TMEM91: variants seen among roughly 807,000 people sequenced by gnomAD.
TMEM91 encodes dispanin subfamily C member 3.
Under a neutral mutation model 13.3 loss-of-function variants are expected in TMEM91, and 6 were observed. The ratio of observed to expected loss-of-function variants is 0.45; its 90% CI spans 0.25 to 0.89. TMEM91 has a LOEUF of 0.89. Among genes scored for constraint, TMEM91 ranks in the 40% least tolerant of loss-of-function variants. TMEM91 has a pLI of 0.19. For missense variants in TMEM91, 193 were observed against 228.7 expected (o/e 0.84, Z 1.01); for synonymous variants, 87 against 101.7 (o/e 0.86, Z 0.87).
chr19:41,371,183 G>T (rs1223644789), intron 1 of TMEM91, among the ~76,000 whole-genome samples: 2 of 150,678 alleles, frequency 1.3e-5, no homozygotes, highest in African/African-American at 4.9e-5. Flanking sequence ...TGTATTTTTA[G>T]TAGAGACGGA....
intron 1 of TMEM91, among the ~76,000 whole-genome samples, chr19:41,367,358 C>T (rs184559469): frequency 1.3e-5 from 2 of 151,596 alleles, no homozygotes; most frequent in East Asian, 3.9e-4. Context: ...TGGGGCTGGG[C>T]GCGGTGGCTC....
In TMEM91 at chr19:41,382,893, G is replaced by A. The variant is rs563207362; in HGVS notation, c.332G>A (p.Gly111Asp). Residue 111 changes from glycine (G) to aspartate (D), a missense_variant, in exon 3 of 4, where the codon GGC becomes GAC. Physicochemically the swap from Gly to Asp is moderately conservative, Grantham distance 94 (BLOSUM62 -1). Coordinates refer to ENST00000392002, the MANE Select transcript of TMEM91 (RefSeq NM_001098821.2). ...ATGCTGTGTTGTTTCTGGCCCGTTG[G>A]CATCGCTGCCTTCTGTCTAGCCCAG... ...FSMLCCFWPV[G>D]IAAFCLAQKT... 1.2e-6 allele frequency: 2 copies of A among 1,614,186 alleles called. No homozygotes were observed. Among genetic ancestry groups the A allele is most frequent in the East Asian group, 4.5e-5 (2 of 44,884 alleles).
Position 41,382,876 on chromosome 19 carries a change from T to C in TMEM91, c.315T>C (p.Cys105=). Residue 105 remains cysteine (C), a synonymous_variant, in exon 3 of 4, where the codon TGT becomes TGC. Transcript: ENST00000392002. Reference sequence around the variant, plus strand: ...GCTTGGCTGTCTTCTCCATGCTGTGTTGTTTCTGGCCCGTTGGCATCGCTG... The same window carrying C: ...GCTTGGCTGTCTTCTCCATGCTGTGCTGTTTCTGGCCCGTTGGCATCGCTG... The part of the protein sequence containing the change: ...HLGLAVFSML[C]CFWPVGIAAF... The C allele has an allele frequency of 3.1e-6, 5 of 1,614,226 alleles. No homozygotes were observed. The highest frequency in any genetic ancestry group is 4.2e-6 in the Non-Finnish European group (5 of 1,180,038).
chr19:41,371,366 C>CT (rs1555758490), intron 1 of TMEM91, among the ~76,000 whole-genome samples: 26 of 128,122 alleles, frequency 2.0e-4, no homozygotes, highest in African/African-American at 7.4e-4. Flanking sequence ...TCCTTCCTTC[C>CT]TTCTTTCCTT....
At chr19:41,375,737 A>G (rs1429958017), upstream of TMEM91, among the ~76,000 whole-genome samples, 1 of 151,876 alleles carries the variant, frequency 6.6e-6, no homozygotes, top group Admixed American at 6.6e-5. Flanking sequence ...CAGTGAACCC[A>G]GGAGTCTGAG....
chr19:41,379,041 C>A (rs2038804707), intron 2 of TMEM91, among the ~76,000 whole-genome samples: 1 of 151,468 alleles, frequency 6.6e-6, no homozygotes. Flanking sequence ...GTCATGTTGC[C>A]CAGGCTGGTC....
At chr19:41,365,635 C>T (rs1195601049) in intron 1 of TMEM91, among the ~76,000 whole-genome samples, 1 of 151,522 alleles carries the variant, frequency 6.6e-6, no homozygotes, top group African/African-American at 2.4e-5. Context: ...AAACTCCTGA[C>T]CTCAGGTGGT....
chr19:41,369,053 T>G (rs1599920161), intron 1 of TMEM91, among the ~76,000 whole-genome samples: 1 of 152,094 alleles, frequency 6.6e-6, no homozygotes, highest in East Asian at 1.9e-4. Flanking sequence ...AGTTGGAGGC[T>G]ACAGTGAGCT....
At chr19:41,372,114 G>A (rs377653354), upstream of TMEM91, among the ~76,000 whole-genome samples, 53 of 152,010 alleles carry the variant, frequency 3.5e-4, no homozygotes, top group African/African-American at 1.2e-3. Context: ...AGTAGGGGGC[G>A]GGGGTGGGGA....
upstream of TMEM91, among the ~76,000 whole-genome samples, chr19:41,373,086 G>C (rs1224985039): frequency 6.6e-6 from 1 of 152,044 alleles, no homozygotes; most frequent in African/African-American, 2.4e-5. Flanking sequence ...CCACAGACAT[G>C]CATCACCACA....
chr19:41,379,706 AAGGC>A (rs1175131177), intron 2 of TMEM91, among the ~76,000 whole-genome samples: 1 of 151,898 alleles, frequency 6.6e-6, no homozygotes, highest in Non-Finnish European at 1.5e-5. Flanking sequence ...GAAAGAAAGG[AAGGC>A]AGGCAGGCAA....
chr19:41,381,076 CAAAAAAAAAAAA>C (rs1166323642), intron 2 of TMEM91, among the ~76,000 whole-genome samples: 2 of 52,792 alleles, frequency 3.8e-5, no homozygotes, highest in Non-Finnish European at 6.7e-5. Context: ...GACTCTGTCT[CAAAAAAAAAAAA>C]AAAAAAAAAA....
intron 3 of TMEM91, 33 bp downstream of exon 3, chr19:41,382,954 G>A: frequency 8.3e-7 from 1 of 1,206,418 alleles, no homozygotes; most frequent in Non-Finnish European, 1.2e-6. Context: ...GAGGGGACTG[G>A]GCATAAAAGA....
chr19:41,382,684 G>C (rs1438227510), intron 2 of TMEM91, 88 bp from the exon 3 acceptor site: 1 of 1,508,448 alleles, frequency 6.6e-7, no homozygotes, highest in African/African-American at 1.4e-5. Context: ...CTAGGGGCAG[G>C]TATTGGCCTT....
At position 41,382,898 on chromosome 19, in the gene TMEM91, G is replaced by A. The variant is rs144015301; in HGVS notation, c.337G>A (p.Ala113Thr). The A allele has an allele frequency of 3.6e-5, 58 of 1,614,132 alleles. No homozygotes were observed. In the East Asian group the frequency reaches 5.6e-4, roughly 16 times the overall value. The change falls in exon 3 of 4, where the codon GCT (alanine) becomes ACT (threonine). Residue 113 changes from alanine (A) to threonine (T), a missense_variant. Ala to Thr is a moderately conservative substitution (Grantham distance 58). Coordinates refer to ENST00000392002, the MANE Select transcript of TMEM91 (RefSeq NM_001098821.2). ...GTGTTGTTTCTGGCCCGTTGGCATCGCTGCCTTCTGTCTAGCCCAGAAGGT... is the reference window on the plus strand; with the variant it reads ...GTGTTGTTTCTGGCCCGTTGGCATCACTGCCTTCTGTCTAGCCCAGAAGGT... ...MLCCFWPVGI[A>T]AFCLAQKTNK... is the part of the protein sequence containing the mutation.
upstream of TMEM91, among the ~76,000 whole-genome samples, chr19:41,375,634 C>G (rs1184643053): frequency 6.6e-6 from 1 of 151,260 alleles, no homozygotes; most frequent in African/African-American, 2.4e-5. Context: ...AACACCCCTT[C>G]AGCACTCCTC....
rs1330963884 is a variant in TMEM91, at chr19:41,371,420, T to C, written c.-29-6861T>C. Among the ~76,000 whole-genome samples, 226 of 26,786 alleles carry C rather than the reference T, an allele frequency of 8.4e-3. 5 individuals are homozygous for C. Among genetic ancestry groups the C allele is most frequent in the Non-Finnish European group, 0.012 (129 of 10,752 alleles). The allele number at this position is 26,786 out of a possible 152,430, so 17.6% of individuals were successfully genotyped here. On this transcript the variant is annotated intron_variant, in intron 1 of 3. Transcript: ENST00000413014. ...TCCCTCCCTCCCTCCTTTCTCTCTCTCTCTTTCTCTCTCTCTTTCTTTCTT... is the reference window on the plus strand; with the variant it reads ...TCCCTCCCTCCCTCCTTTCTCTCTCCCTCTTTCTCTCTCTCTTTCTTTCTT...
chr19:41,382,554 C>T (rs2123207395), intron 2 of TMEM91, among the ~76,000 whole-genome samples: 1 of 152,322 alleles, frequency 6.6e-6, no homozygotes, highest in African/African-American at 2.4e-5. Flanking sequence ...ACCCGGGAGG[C>T]AGTGAGCCGA....
chr19:41,364,562 CCT>C lies in TMEM91; in HGVS notation c.-30+469_-30+470del, dbSNP rs201506775. On this transcript the variant is annotated intron_variant, in intron 1 of 3. Transcript: ENST00000413014. ...TGGAAAACAAAGCAAAAAAATCACT[CCT>C]CATTCAGAGAGTGGAGAAGTTGGGG... Among the ~76,000 whole-genome samples, 1,288 of 152,044 alleles carry C rather than the reference CCT, an allele frequency of 8.5e-3. 15 individuals are homozygous for C. The highest frequency in any genetic ancestry group is 0.03 in the African/African-American group (1,225 of 41,456).
Sources: allele counts gnomAD v4.1 joint callset (sites outside exome capture counted in the v4.1 genomes callset), GRCh38; gene constraint gnomAD v4.1.1; transcripts MANE v1.5; gene names NCBI Gene and HGNC (gene_info 2026-07-23, HGNC 2026-07-21).